Variants in MAGI1 observed in about 807,000 individuals in gnomAD.
MAGI1 encodes membrane associated guanylate kinase, WW and PDZ domain containing 1, also known as membrane-associated guanylate kinase, WW and PDZ domain-containing protein 1.
In MAGI1, 58 loss-of-function variants were observed where a neutral mutation model predicts 139.9. That is an observed-to-expected ratio of 0.41 (90% CI 0.34 to 0.52). The LOEUF is 0.52. MAGI1 is among the 20% of genes least tolerant of loss of function. The probability of loss-of-function intolerance (pLI) is 0.12; values close to 1 mark genes in which losing one functional copy is unlikely to be tolerated. For synonymous variants in MAGI1, 812 were observed against 737.9 expected, an observed-to-expected ratio of 1.10 and a Z score of -1.63; for missense variants, 1,874 against 1,901.6, an observed-to-expected ratio of 0.99 and a Z score of 0.27.
At chr3:65,975,629 C>A (rs2065230351) in intron 1 of MAGI1, among the ~76,000 whole-genome samples, 1 of 151,728 alleles carries the variant, frequency 6.6e-6, no homozygotes, top group African/African-American at 2.4e-5. Flanking sequence ...ATAACCCAAT[C>A]TCAAAATAAT....
intron 1 of MAGI1, among the ~76,000 whole-genome samples, chr3:65,959,601 T>TTTTTTATTA (rs1553738753): frequency 5.5e-5 from 7 of 127,334 alleles, no homozygotes; most frequent in Admixed American, 1.7e-4. Flanking sequence ...TCCCAGCATT[T>TTTTTTATTA]TTATTATTAT....
intron 1 of MAGI1, among the ~76,000 whole-genome samples, chr3:65,963,270 C>T (rs1468590549): frequency 1.4e-5 from 2 of 146,882 alleles, no homozygotes; most frequent in Admixed American, 1.4e-4. Context: ...CGAGAGCGCA[C>T]CACTGCACTC....
intron 3 of MAGI1, among the ~76,000 whole-genome samples, chr3:65,488,706 T>C (rs889718666): frequency 1.3e-5 from 2 of 152,104 alleles, no homozygotes; most frequent in Non-Finnish European, 2.9e-5. Flanking sequence ...GTCTTGCTCC[T>C]GTTGCCCAGG....
chr3:65,754,763 A>G (rs951141105), intron 1 of MAGI1, among the ~76,000 whole-genome samples: 5 of 152,202 alleles, frequency 3.3e-5, no homozygotes, highest in African/African-American at 1.2e-4. Flanking sequence ...GCAACATCTT[A>G]GCCAACCAGT....
chr3:65,867,125 G>T (rs922217202), intron 1 of MAGI1, among the ~76,000 whole-genome samples: 3 of 152,168 alleles, frequency 2.0e-5, no homozygotes, highest in Non-Finnish European at 4.4e-5. Flanking sequence ...TCACAAGGTT[G>T]TTGTGAAGTT....
At chr3:65,813,218 C>G (rs1035091793) in intron 1 of MAGI1, among the ~76,000 whole-genome samples, 2 of 151,974 alleles carry the variant, frequency 1.3e-5, no homozygotes, top group African/African-American at 4.8e-5. Context: ...TCTCACCAAG[C>G]GCCACACCCC....
At chr3:65,864,385 C>T (rs750927847) in intron 1 of MAGI1, among the ~76,000 whole-genome samples, 17 of 152,188 alleles carry the variant, frequency 1.1e-4, no homozygotes, top group Non-Finnish European at 1.9e-4. Context: ...TAATTTCCTA[C>T]TAAGTGATGG....
At chr3:65,556,465 G>T (rs1163218605) in intron 2 of MAGI1, among the ~76,000 whole-genome samples, 5 of 152,064 alleles carry the variant, frequency 3.3e-5, no homozygotes, top group Non-Finnish European at 7.4e-5. Flanking sequence ...TATTTCATAA[G>T]CCTGGTCCGC....
Position 65,787,153 on chromosome 3 carries a change from A to G in MAGI1, c.314-165065T>C, listed in dbSNP as rs137953983. On this transcript the variant is annotated intron_variant, in intron 1 of 22. Transcript: ENST00000402939. The stretch of plus-strand genomic sequence containing the variant: ...CCAGAAGCCACATTCAGTTACAAAA[A>G]CTTTTACTCTAAGCTCAGTCACAAC... Among the ~76,000 whole-genome samples, 363 of 152,192 alleles carry G rather than the reference A, an allele frequency of 2.4e-3. 1 individual carries two copies. Among genetic ancestry groups the G allele is most frequent in the African/African-American group, 8.5e-3 (355 of 41,528 alleles).
intron 1 of MAGI1, among the ~76,000 whole-genome samples, chr3:65,835,056 G>A: frequency 6.6e-6 from 1 of 152,138 alleles, no homozygotes; most frequent in Non-Finnish European, 1.5e-5. Flanking sequence ...TCTTTCGACT[G>A]ATGTTCTTAG....
At chr3:65,707,689 CAAAAAA>C (rs57489811) in intron 1 of MAGI1, among the ~76,000 whole-genome samples, 2 of 88,148 alleles carry the variant, frequency 2.3e-5, no homozygotes, top group Non-Finnish European at 4.4e-5. Context: ...TACCCTATCT[CAAAAAA>C]AAAAAAAAAA....
chr3:65,663,401 C>A (rs1055303352), intron 1 of MAGI1, among the ~76,000 whole-genome samples: 1 of 152,170 alleles, frequency 6.6e-6, no homozygotes, highest in Non-Finnish European at 1.5e-5. Context: ...AGTCCACAGA[C>A]CACACTTTGG....
intron 1 of MAGI1, among the ~76,000 whole-genome samples, chr3:65,666,213 CAT>C (rs1007525860): frequency 3.3e-4 from 50 of 152,312 alleles, no homozygotes; most frequent in Admixed American, 1.3e-3. Flanking sequence ...TAAAACTTTC[CAT>C]GTGTGTGTGT....
intron 2 of MAGI1, among the ~76,000 whole-genome samples, chr3:65,523,185 G>T (rs932737505): frequency 2.0e-5 from 3 of 152,100 alleles, no homozygotes; most frequent in African/African-American, 7.2e-5. Flanking sequence ...TAATCTTACT[G>T]TGTATGATAC....
intron 1 of MAGI1, among the ~76,000 whole-genome samples, chr3:65,638,597 ATTTTTTTTTT>A (rs1173086138): frequency 0.013 from 536 of 41,016 alleles, 11 homozygotes; most frequent in African/African-American, 0.043. Flanking sequence ...TGCTCTCCTG[ATTTTTTTTTT>A]TTTTTTTTTT....
intron 1 of MAGI1, among the ~76,000 whole-genome samples, chr3:65,630,639 T>G (rs1467092964): frequency 6.6e-6 from 1 of 152,142 alleles, no homozygotes; most frequent in African/African-American, 2.4e-5. Context: ...TGTTCTCACT[T>G]ATAAGTGGAA....
chr3:65,908,446 G>A (rs900642583), intron 1 of MAGI1, among the ~76,000 whole-genome samples: 6 of 152,078 alleles, frequency 3.9e-5, no homozygotes, highest in African/African-American at 1.4e-4. Flanking sequence ...TACCACACCC[G>A]GCTAATTTTT....
At chr3:65,989,939 C>G (rs925463695) in intron 1 of MAGI1, among the ~76,000 whole-genome samples, 12 of 152,126 alleles carry the variant, frequency 7.9e-5, no homozygotes, top group Admixed American at 2.6e-4. Context: ...ACAGTTTTTA[C>G]AGACTAAAGT....
At chr3:65,547,915 C>A (rs758303386) in intron 2 of MAGI1, among the ~76,000 whole-genome samples, 11 of 152,034 alleles carry the variant, frequency 7.2e-5, no homozygotes, top group Non-Finnish European at 1.2e-4. Flanking sequence ...GAAAAAAGGT[C>A]AACTATGAAG....
Sources: allele counts gnomAD v4.1 joint callset (sites outside exome capture counted in the v4.1 genomes callset), GRCh38; gene constraint gnomAD v4.1.1; transcripts MANE v1.5; gene names NCBI Gene and HGNC (gene_info 2026-07-23, HGNC 2026-07-21).